Variants in HMCN1 observed in about 807,000 individuals in gnomAD.
HMCN1 encodes hemicentin 1, also known as hemicentin-1.
A neutral mutation model predicts 625.9 loss-of-function variants in HMCN1; 321 were observed. That is an observed-to-expected ratio of 0.51 (90% CI 0.47 to 0.56). The LOEUF (loss-of-function observed/expected upper bound fraction) is 0.56. Among genes scored for constraint, HMCN1 ranks in the 20% least tolerant of loss-of-function variants. The pLI is 0.00. For missense variants in HMCN1, 6,588 were observed against 6,887.3 expected (o/e 0.96, Z 1.54); for synonymous variants, 2,425 against 2,417.6 (o/e 1.00, Z -0.09).
chr1:186,073,214 C>T (rs746219876), intron 52 of HMCN1, among the ~76,000 whole-genome samples: 1 of 152,086 alleles, frequency 6.6e-6, no homozygotes, highest in Non-Finnish European at 1.5e-5. Context: ...TCAAAATGAA[C>T]ACAAGTTAAA....
In HMCN1 at chr1:186,076,560, C is replaced by T. The variant is rs765194132; in HGVS notation, c.8423C>T (p.Thr2808Ile). 3.1e-6 allele frequency: 5 copies of T among 1,613,754 alleles called. No individual in the cohort carries two copies. The Admixed American group carries it at 6.7e-5, about 22-fold the overall frequency. ...GAGACAAATGCTGCTCCCCCTCCTACACTGACATGGTACAAAGATGGCCAC... is the reference window on the plus strand; with the variant it reads ...GAGACAAATGCTGCTCCCCCTCCTATACTGACATGGTACAAAGATGGCCAC... The part of the protein sequence containing the change: ...YCETNAAPPP[T>I]LTWYKDGHPL... Residue 2808 changes from threonine (T) to isoleucine (I), a missense_variant, in exon 54 of 107, where the codon ACA becomes ATA. By Grantham distance (89) the Thr-to-Ile change is moderately conservative. Coordinates refer to ENST00000271588, the MANE Select transcript of HMCN1 (RefSeq NM_031935.3).
intron 104 of HMCN1, among the ~76,000 whole-genome samples, chr1:186,179,286 G>A (rs1411164557): frequency 2.0e-5 from 3 of 152,190 alleles, no homozygotes; most frequent in East Asian, 1.9e-4. Flanking sequence ...GTACGTCACT[G>A]AAAAGATAAT....
chr1:185,949,509 C>T (rs1668531298), intron 11 of HMCN1, among the ~76,000 whole-genome samples: 1 of 151,730 alleles, frequency 6.6e-6, no homozygotes, highest in Non-Finnish European at 1.5e-5. Context: ...TTTAAAAGAC[C>T]TTTAGTCCAT....
rs2102683646 is a variant in HMCN1 at position 186,188,025 on chromosome 1, T to C, written c.16541+16T>C. The C allele has an allele frequency of 6.2e-7, 1 of 1,613,730 alleles. No individual in the cohort carries two copies. Among genetic ancestry groups the C allele is most frequent in the East Asian group, 2.2e-5 (1 of 44,876 alleles). On this transcript the variant is annotated intron_variant, in intron 106 of 106. Coordinates refer to ENST00000271588, the MANE Select transcript of HMCN1 (RefSeq NM_031935.3). Reference sequence around the variant, plus strand: ...CTGTTTCAGGGTATGTCTTGCCTTCTCATCCCAGACATGCTTTTGAAAATC... The same window carrying C: ...CTGTTTCAGGGTATGTCTTGCCTTCCCATCCCAGACATGCTTTTGAAAATC...
rs1571680537 is a variant in HMCN1 at position 185,993,310 on chromosome 1, G to T, written c.3505+1G>T. 6.2e-7 allele frequency: 1 copy of T among 1,612,506 alleles called. No homozygotes were observed. The highest frequency in any genetic ancestry group is 1.3e-5 in the African/African-American group (1 of 74,984). ...CAGGCTGTCAAATTAAATGTCCATG[G>T]TGAGTCTTGAAATGAGAACATATGA... On this transcript the variant is annotated splice_donor_variant, in intron 23 of 106. Transcript: ENST00000271588. LOFTEE classifies it high-confidence loss of function.
chr1:186,151,669 T>C lies in HMCN1; in HGVS notation c.14822T>C (p.Ile4941Thr). The change falls in exon 95 of 107, where the codon ATA becomes ACA. Residue 4941 changes from isoleucine (I) to threonine (T), a missense_variant. Ile to Thr is a moderately conservative substitution (Grantham distance 89). Around this residue, in one of 3 missense-constraint regions of HMCN1, gnomAD observed 1,954 missense variants for 2,013.1 expected, o/e 0.97. Coordinates refer to ENST00000271588, the MANE Select transcript of HMCN1 (RefSeq NM_031935.3). ...ATTTATTGGACAACAGCAAAGGAAA[T>C]AGGAGAAGCAGTCAATGGCTTTACC... The part of the protein sequence containing the change: ...NPIYWTTAKE[I>T]GEAVNGFTLT... The C allele has an allele frequency of 8.1e-6, 13 of 1,613,324 alleles. No individual in the cohort carries two copies. Among genetic ancestry groups the C allele is most frequent in the Non-Finnish European group, 1.0e-5 (12 of 1,179,386 alleles).
In HMCN1 at chr1:186,015,273, A is replaced by G. The variant is rs1215569260; in HGVS notation, c.4745A>G (p.Tyr1582Cys). ...RGLPMPAITW[Y>C]KDGQPIMSSS... The stretch of plus-strand genomic sequence containing the variant: ...CTTCCAATGCCTGCCATTACTTGGT[A>G]TAAGGACGGGCAGCCAATCATGTCC... The change falls in exon 31 of 107, where the codon TAT (tyrosine) becomes TGT (cysteine). Residue 1582 changes from tyrosine to cysteine, a missense_variant. Around this residue, in one of 3 missense-constraint regions of HMCN1, gnomAD observed 4,628 missense variants for 4,853.1 expected, o/e 0.95. Transcript: ENST00000271588. 4 of 1,613,676 alleles carry G rather than the reference A, an allele frequency of 2.5e-6. No individual in the cohort carries two copies. The highest frequency in any genetic ancestry group is 3.4e-6 in the Non-Finnish European group (4 of 1,179,804).
At chr1:186,061,825 C>T in intron 46 of HMCN1, 26 bp from the exon 47 acceptor site, 1 of 1,505,044 alleles carries the variant, frequency 6.6e-7, no homozygotes, top group Non-Finnish European at 9.2e-7. Flanking sequence ...TTTAAGTTAT[C>T]TTAAAAAGAT....
Position 186,052,952 on chromosome 1 carries a change from T to TC in HMCN1, c.6584dup (p.Asn2196LysfsTer6). 1 of 1,600,844 alleles carries TC rather than the reference T, an allele frequency of 6.2e-7. No homozygotes were observed. Among genetic ancestry groups the TC allele is most frequent in the Non-Finnish European group, 8.6e-7 (1 of 1,168,776 alleles). ...AAATCATATTTTTATTTTTTTCTAG[T>TC]CCCCCCAAATATTGGTGGTTCTGAT... On this transcript the variant is annotated frameshift_variant and splice_region_variant, in exon 43 of 107. Coordinates refer to ENST00000271588, the MANE Select transcript of HMCN1 (RefSeq NM_031935.3). LOFTEE classifies it high-confidence loss of function.
chr1:185,995,073 C>A lies in HMCN1; in HGVS notation c.3764C>A (p.Thr1255Lys). ...GCAGGCACTGATGAAACAGAGATAA[C>A]GCTACATGTCCAAGGTGATTCTTGA... ...NIAGTDETEI[T>K]LHVQEPPTVE... Residue 1255 changes from threonine to lysine, a missense_variant, in exon 24 of 107, where the codon ACG (threonine) becomes AAG (lysine). By Grantham distance (78) the Thr-to-Lys change is moderately conservative. Coordinates refer to ENST00000271588, the MANE Select transcript of HMCN1 (RefSeq NM_031935.3). 6.2e-7 allele frequency: 1 copy of A among 1,613,562 alleles called. No homozygotes were observed. The highest frequency in any genetic ancestry group is 8.5e-7 in the Non-Finnish European group (1 of 1,179,630).
At chr1:185,837,634 T>C (rs1295745562) in intron 1 of HMCN1, among the ~76,000 whole-genome samples, 1 of 152,172 alleles carries the variant, frequency 6.6e-6, no homozygotes, top group African/African-American at 2.4e-5. Flanking sequence ...CGATCTGATA[T>C]ATATTCTTTT....
intron 36 of HMCN1, among the ~76,000 whole-genome samples, 167 bp from the exon 37 acceptor site, chr1:186,037,767 A>T (rs1655932376): frequency 6.6e-6 from 1 of 152,170 alleles, no homozygotes; most frequent in African/African-American, 2.4e-5. Flanking sequence ...ATTTTTTTAA[A>T]TCCTGTTCTT....
At chr1:186,085,838 C>A (rs542767679) in intron 57 of HMCN1, among the ~76,000 whole-genome samples, 1 of 152,188 alleles carries the variant, frequency 6.6e-6, no homozygotes, top group Non-Finnish European at 1.5e-5. Context: ...CCTAAAAAAT[C>A]TCCTCCTGTC....
At chr1:186,146,935 C>T (rs1378644746) in intron 93 of HMCN1, among the ~76,000 whole-genome samples, 1 of 152,182 alleles carries the variant, frequency 6.6e-6, no homozygotes, top group Non-Finnish European at 1.5e-5. Context: ...ACTCAAGTCC[C>T]TCTGTGAGAC....
intron 97 of HMCN1, among the ~76,000 whole-genome samples, chr1:186,159,782 G>C (rs1377995182): frequency 1.3e-5 from 2 of 152,140 alleles, no homozygotes; most frequent in African/African-American, 4.8e-5. Flanking sequence ...ACTTGATCAT[G>C]GTGGATAAGC....
chr1:186,026,923 C>T (rs1655095019), intron 36 of HMCN1, among the ~76,000 whole-genome samples: 1 of 152,120 alleles, frequency 6.6e-6, no homozygotes, highest in African/African-American at 2.4e-5. Context: ...GTGTGAGCCA[C>T]CATGCCCAGC....
chr1:185,795,814 AG>A (rs1198662099), intron 1 of HMCN1, among the ~76,000 whole-genome samples: 1 of 152,210 alleles, frequency 6.6e-6, no homozygotes, highest in Non-Finnish European at 1.5e-5. Context: ...ATGAAGGCCA[AG>A]TATCATGTCT....
chr1:186,056,910 G>A (rs73064488), intron 45 of HMCN1, among the ~76,000 whole-genome samples: 5,698 of 151,258 alleles, frequency 0.038, 363 homozygotes, highest in African/African-American at 0.13. Flanking sequence ...AGTTGAAATT[G>A]CAATTAAAAA....
At chr1:185,990,519 G>T in intron 22 of HMCN1, 76 bp downstream of exon 22, 1 of 1,238,658 alleles carries the variant, frequency 8.1e-7, no homozygotes, top group Non-Finnish European at 1.2e-6. Flanking sequence ...GCCTATTCAG[G>T]TTATCAAACG....
Sources: allele counts gnomAD v4.1 joint callset (sites outside exome capture counted in the v4.1 genomes callset), GRCh38; gene constraint gnomAD v4.1.1; regional missense constraint gnomAD v4.1.1; transcripts MANE v1.5; gene names NCBI Gene and HGNC (gene_info 2026-07-23, HGNC 2026-07-21).